The following WDFY1 variants were observed in gnomAD, a reference collection of about 807,000 sequenced individuals.
WDFY1 encodes the protein WD repeat and FYVE domain-containing protein 1.
A neutral mutation model predicts 56.4 loss-of-function variants in WDFY1; 32 were observed. That is an observed-to-expected ratio of 0.57 (90% CI 0.43 to 0.76). WDFY1 has a LOEUF of 0.76. Among genes scored for constraint, WDFY1 ranks in the 30% least tolerant of loss-of-function variants. The pLI is 0.00. For synonymous variants in WDFY1, 192 were observed against 197.3 expected (o/e 0.97, Z 0.23); for missense variants, 480 against 545.7 (o/e 0.88, Z 1.20).
intron 3 of WDFY1, 93 bp from the exon 4 acceptor site, chr2:223,906,094 A>C: frequency 1.0e-6 from 1 of 986,108 alleles, no homozygotes; most frequent in Non-Finnish European, 1.4e-6. Context: ...AAAATCCAAA[A>C]ATGATTATCA....
chr2:223,888,174 G>A (rs569833441), intron 8 of WDFY1, among the ~76,000 whole-genome samples: 109 of 152,070 alleles, frequency 7.2e-4, no homozygotes, highest in African/African-American at 2.5e-3. Flanking sequence ...CTCAACCTCT[G>A]TCTCATGCGA....
intron 1 of WDFY1, among the ~76,000 whole-genome samples, chr2:223,929,174 T>C (rs1694034505): frequency 1.0e-5 from 1 of 97,344 alleles, no homozygotes; most frequent in Admixed American, 1.3e-4. Context: ...CTTTTTTTTT[T>C]TCTTTCTGTT....
chr2:223,896,800 T>C (rs918918115), intron 6 of WDFY1, among the ~76,000 whole-genome samples: 1 of 152,352 alleles, frequency 6.6e-6, no homozygotes, highest in South Asian at 2.1e-4. Flanking sequence ...GGGGTTACTT[T>C]CACATGACTT....
intron 4 of WDFY1, 54 bp downstream of exon 4, chr2:223,905,893 G>T: frequency 7.9e-7 from 1 of 1,262,478 alleles, no homozygotes; most frequent in Non-Finnish European, 1.1e-6. Context: ...TGATGTTCTA[G>T]TTTTGTGTAT....
At chr2:223,904,628 A>G (rs200314266) in intron 4 of WDFY1, among the ~76,000 whole-genome samples, 2 of 152,208 alleles carry the variant, frequency 1.3e-5, no homozygotes, top group East Asian at 3.8e-4. Flanking sequence ...TTATTAAAGT[A>G]TCCTATTATT....
chr2:223,901,100 T>G, intron 5 of WDFY1, 83 bp downstream of exon 5: 4 of 1,480,370 alleles, frequency 2.7e-6, no homozygotes, highest in Non-Finnish European at 3.6e-6. Context: ...TCTTTAGATC[T>G]CAGCCATTTG....
intron 1 of WDFY1, among the ~76,000 whole-genome samples, chr2:223,920,901 T>C (rs1240868228): frequency 1.3e-5 from 2 of 152,206 alleles, no homozygotes; most frequent in Admixed American, 1.3e-4. Flanking sequence ...TCGCTTTGTT[T>C]ACAGGACTGC....
At chr2:223,880,342 C>T in intron 10 of WDFY1, 110 bp from the exon 11 acceptor site, 1 of 889,174 alleles carries the variant, frequency 1.1e-6, no homozygotes, top group Non-Finnish European at 1.8e-6. Context: ...TGCAGTGGCT[C>T]ATGTCTGTAC....
At chr2:223,943,530 G>C (rs1419006380) in intron 1 of WDFY1, among the ~76,000 whole-genome samples, 1 of 152,174 alleles carries the variant, frequency 6.6e-6, no homozygotes, top group Non-Finnish European at 1.5e-5. Flanking sequence ...AAAGGCTAGA[G>C]ACCACGCCTT....
chr2:223,907,853 ATTTTTT>A (rs933565405), intron 3 of WDFY1, among the ~76,000 whole-genome samples: 1 of 87,506 alleles, frequency 1.1e-5, no homozygotes, highest in African/African-American at 4.1e-5. Context: ...TGCTGCTGCT[ATTTTTT>A]TTTTTTTCTC....
At chr2:223,903,790 A>G (rs1162875208) in intron 4 of WDFY1, among the ~76,000 whole-genome samples, 1 of 151,962 alleles carries the variant, frequency 6.6e-6, no homozygotes, top group East Asian at 1.9e-4. Context: ...AGTTGGGACT[A>G]CAGCATGTGC....
At chr2:223,916,802 T>C (rs1324361171) in intron 2 of WDFY1, among the ~76,000 whole-genome samples, 1 of 151,460 alleles carries the variant, frequency 6.6e-6, no homozygotes, top group African/African-American at 2.4e-5. Flanking sequence ...TATGTTGGTA[T>C]ATCCCAGGGC....
chr2:223,918,806 G>C (rs1294330823), intron 1 of WDFY1, among the ~76,000 whole-genome samples: 1 of 152,152 alleles, frequency 6.6e-6, no homozygotes, highest in Non-Finnish European at 1.5e-5. Flanking sequence ...GTGGCATGGA[G>C]AGGGGCGCCA....
At chr2:223,939,916 T>C (rs891776125) in intron 1 of WDFY1, among the ~76,000 whole-genome samples, 1 of 152,244 alleles carries the variant, frequency 6.6e-6, no homozygotes, top group Non-Finnish European at 1.5e-5. Flanking sequence ...TTTACAAAAG[T>C]GGATACTAAC....
chr2:223,922,530 C>A (rs903327243), intron 1 of WDFY1, among the ~76,000 whole-genome samples: 10 of 152,242 alleles, frequency 6.6e-5, no homozygotes, highest in Admixed American at 6.5e-5. Context: ...GCACTTCACA[C>A]TCACAGGCTT....
intron 1 of WDFY1, among the ~76,000 whole-genome samples, chr2:223,937,438 G>T (rs904225998): frequency 1.3e-5 from 2 of 152,206 alleles, no homozygotes; most frequent in Non-Finnish European, 2.9e-5. Flanking sequence ...AAATGGGAAT[G>T]AAAACAATAA....
At chr2:223,916,969 C>T (rs576026380) in intron 2 of WDFY1, among the ~76,000 whole-genome samples, 58 of 152,234 alleles carry the variant, frequency 3.8e-4, no homozygotes, top group Admixed American at 1.9e-3. Context: ...CATGTGCCAC[C>T]ATGCCCGGCT....
At chr2:223,890,969 A>G (rs1693264440) in intron 8 of WDFY1, among the ~76,000 whole-genome samples, 2 of 152,204 alleles carry the variant, frequency 1.3e-5, no homozygotes, top group Admixed American at 6.5e-5. Context: ...CACAGTGGGT[A>G]GTAAATGCTC....
At chr2:223,926,672 G>A (rs972670516) in intron 1 of WDFY1, among the ~76,000 whole-genome samples, 7 of 151,524 alleles carry the variant, frequency 4.6e-5, no homozygotes, top group Admixed American at 2.0e-4. Context: ...GTGTGTGTGT[G>A]TATGTGTATT....
Sources: gnomAD v4.1 joint callset for allele counts (sites outside exome capture counted in the v4.1 genomes callset) on GRCh38, gnomAD v4.1.1 for gene constraint, MANE v1.5 for transcripts, NCBI Gene and HGNC (gene_info 2026-07-23, HGNC 2026-07-21) for gene names.